Variants in ST18 observed in about 807,000 individuals in gnomAD.
The protein encoded by ST18 is ST18 C2H2C-type zinc finger transcription factor.
Under a neutral mutation model 110.0 loss-of-function variants are expected in ST18, and 50 were observed. The observed-to-expected ratio is 0.45, with a 90% confidence interval of 0.36 to 0.58. The LOEUF is 0.58. Ranked by LOEUF, ST18 falls within the 20% of genes least tolerant of loss-of-function variation. The pLI, the probability that ST18 is intolerant of heterozygous loss-of-function variation, is 0.00. For synonymous variants in ST18, 461 were observed against 452.4 expected, an observed-to-expected ratio of 1.02 and a Z score of -0.24; for missense variants, 1,306 against 1,280.1, an observed-to-expected ratio of 1.02 and a Z score of -0.31.
chr8:52,148,779 A>G (rs1392982156), intron 16 of ST18, among the ~76,000 whole-genome samples: 1 of 152,046 alleles, frequency 6.6e-6, no homozygotes, highest in Admixed American at 6.6e-5. Flanking sequence ...TGTGATCAAA[A>G]CTGTGTACGT....
In ST18 at chr8:52,211,556, G is replaced by A. The variant is rs540761108; in HGVS notation, c.86+523C>T. Among the ~76,000 whole-genome samples the A allele has an allele frequency of 1.1e-3, 164 of 152,030 alleles. 3 individuals carry two copies. The South Asian group carries it at 0.012, about 11-fold the overall frequency. On this transcript the variant is annotated intron_variant, in intron 8 of 25. Coordinates refer to ENST00000689386, the MANE Select transcript of ST18 (RefSeq NM_001352837.2). The stretch of plus-strand genomic sequence containing the variant: ...TGAGTAGCTGAAACTATAGGCACAC[G>A]CCACCATGCCTGGCTAATTTTTTAT...
intron 22 of ST18, among the ~76,000 whole-genome samples, 188 bp downstream of exon 22, chr8:52,131,770 A>G (rs889131033): frequency 2.0e-5 from 3 of 152,216 alleles, no homozygotes; most frequent in Non-Finnish European, 4.4e-5. Flanking sequence ...TAATTTTAAG[A>G]AATAGAGAGA....
rs531475528 is a variant in ST18, at chr8:52,215,553, ACAC to A, written c.1-1299_1-1297del. Among the ~76,000 whole-genome samples the A allele has an allele frequency of 3.0e-3, 459 of 152,350 alleles. 3 individuals carry two copies. Among genetic ancestry groups the A allele is most frequent in the African/African-American group, 0.011 (437 of 41,582 alleles). ...CTCTTTTGTCATCATTTCATAATAA[ACAC>A]CACACCAATCGTTGAACTGCTTTTT... On this transcript the variant is annotated intron_variant, in intron 6 of 25. Transcript: ENST00000689386.
At chr8:52,395,740 T>A (rs938486145) in intron 2 of ST18, among the ~76,000 whole-genome samples, 1 of 152,210 alleles carries the variant, frequency 6.6e-6, no homozygotes, top group Non-Finnish European at 1.5e-5. Context: ...TTCTTGGGGA[T>A]GAGCATGCCT....
chr8:52,172,371 C>T lies in ST18; in HGVS notation c.490G>A (p.Ala164Thr). The T allele has an allele frequency of 6.2e-7, 1 of 1,614,102 alleles. No individual in the cohort carries two copies. The highest frequency in any genetic ancestry group is 8.5e-7 in the Non-Finnish European group (1 of 1,180,020). ...IQSLKAESDE[A>T]DECFLIHSDD... ...GAATGAATCAGAAAGCACTCGTCTG[C>T]TTCATCGCTCTCTGCTTTTAAAGAC... The change falls in exon 10 of 26, where the codon GCA (alanine) becomes ACA (threonine). Residue 164 changes from alanine to threonine, a missense_variant. Transcript: ENST00000689386.
At chr8:52,380,565 T>A (rs1430571987) in intron 2 of ST18, among the ~76,000 whole-genome samples, 1 of 152,130 alleles carries the variant, frequency 6.6e-6, no homozygotes, top group Admixed American at 6.5e-5. Flanking sequence ...TCCCTAGCAC[T>A]CCCTATATAT....
At chr8:52,382,500 CT>C (rs1488643242) in intron 2 of ST18, among the ~76,000 whole-genome samples, 4 of 152,206 alleles carry the variant, frequency 2.6e-5, no homozygotes, top group Non-Finnish European at 5.9e-5. Context: ...AAGTGATTGA[CT>C]TTGTAGTGTT....
At chr8:52,247,050 T>A (rs1172683031) in intron 2 of ST18, among the ~76,000 whole-genome samples, 1 of 152,178 alleles carries the variant, frequency 6.6e-6, no homozygotes, top group African/African-American at 2.4e-5. Flanking sequence ...CCTTATTCTC[T>A]AGGAAGCATT....
intron 2 of ST18, among the ~76,000 whole-genome samples, chr8:52,275,312 G>A (rs1470267973): frequency 2.0e-5 from 3 of 152,256 alleles, no homozygotes; most frequent in East Asian, 3.9e-4. Flanking sequence ...AGATCATGAT[G>A]TTGCCTATTA....
At chr8:52,122,294 ATAT>A (rs1352571722) in intron 23 of ST18, among the ~76,000 whole-genome samples, 1 of 152,046 alleles carries the variant, frequency 6.6e-6, no homozygotes, top group African/African-American at 2.4e-5. Flanking sequence ...TGGGGATTAT[ATAT>A]TATATTTTCT....
At chr8:52,249,849 T>C (rs1468977552) in intron 2 of ST18, among the ~76,000 whole-genome samples, 2 of 152,116 alleles carry the variant, frequency 1.3e-5, no homozygotes, top group Non-Finnish European at 2.9e-5. Context: ...AGATCAAAGA[T>C]ATTTTCTCTT....
chr8:52,349,913 G>C (rs574843836), intron 2 of ST18, among the ~76,000 whole-genome samples: 4 of 152,282 alleles, frequency 2.6e-5, no homozygotes, highest in African/African-American at 9.6e-5. Flanking sequence ...AAAGCCCCTA[G>C]CAGGGGCTGG....
chr8:52,177,273 A>G (rs929722538), intron 9 of ST18, among the ~76,000 whole-genome samples: 8 of 152,242 alleles, frequency 5.3e-5, no homozygotes, highest in Admixed American at 2.0e-4. Flanking sequence ...GGCAACCTGT[A>G]TCTTTTTGAA....
chr8:52,194,050 C>T (rs1458472234), intron 8 of ST18, among the ~76,000 whole-genome samples: 2 of 152,076 alleles, frequency 1.3e-5, no homozygotes, highest in African/African-American at 4.8e-5. Context: ...AATTTTTTTT[C>T]CCGTAAGGCC....
In ST18 at chr8:52,111,757, A is replaced by G. The variant is rs1445119635; in HGVS notation, c.*1441T>C. The G allele has an allele frequency of 1.3e-5, 2 of 152,662 alleles. No homozygotes were observed. The highest frequency in any genetic ancestry group is 2.9e-5 in the Non-Finnish European group (2 of 68,042). 9.5% of individuals were successfully genotyped at this position (152,662 alleles called of 1,614,324 possible). A position where few individuals can be genotyped will look rare whatever the true frequency, so the allele number is the denominator to read the frequency against. ...ACGTCTGCACATGAAATGTGTGTGC[A>G]CACCAAAAAGGCAGTTTAGCTGGTT... is the stretch of plus-strand genomic sequence containing the variant. On this transcript the variant is annotated 3_prime_UTR_variant, in exon 26 of 26. Coordinates refer to ENST00000689386, the MANE Select transcript of ST18 (RefSeq NM_001352837.2).
Position 52,142,150 on chromosome 8 carries a change from C to T in ST18, c.2168+780G>A, listed in dbSNP as rs572347010. 1.1e-4 allele frequency among the ~76,000 whole-genome samples: 17 copies of T among 152,164 alleles called. No individual in the cohort carries two copies. In the South Asian group the frequency reaches 2.7e-3, roughly 24 times the overall value. On this transcript the variant is annotated intron_variant, in intron 17 of 25. Coordinates refer to ENST00000689386, the MANE Select transcript of ST18 (RefSeq NM_001352837.2). ...AGGGGATGCCGAGGGAAGGGAGGTC[C>T]CTGGAGATCGGTCTGGGAAAGATTC...
intron 2 of ST18, among the ~76,000 whole-genome samples, chr8:52,317,360 GT>G (rs1309462987): frequency 6.6e-6 from 1 of 152,216 alleles, no homozygotes; most frequent in Non-Finnish European, 1.5e-5. Context: ...AGAGTTTGGA[GT>G]GAAGCTGCCA....
chr8:52,137,313 CCAACT>C, intron 18 of ST18, 103 bp downstream of exon 18: 1 of 1,160,618 alleles, frequency 8.6e-7, no homozygotes, highest in Non-Finnish European at 1.2e-6. Context: ...AAAAACCCAA[CCAACT>C]CATTTCCTGC....
intron 2 of ST18, among the ~76,000 whole-genome samples, chr8:52,397,465 C>T (rs758461599): frequency 9.9e-5 from 15 of 151,984 alleles, no homozygotes; most frequent in Admixed American, 9.8e-4. Context: ...TGATCTAGTC[C>T]TATTTATTTA....
Sources: allele counts gnomAD v4.1 joint callset (sites outside exome capture counted in the v4.1 genomes callset), GRCh38; gene constraint gnomAD v4.1.1; transcripts MANE v1.5; gene names NCBI Gene and HGNC (gene_info 2026-07-23, HGNC 2026-07-21).